The following TNFAIP8L3 variants were observed in gnomAD, a reference collection of about 807,000 sequenced individuals.
TNFAIP8L3 encodes the protein tumor necrosis factor alpha-induced protein 8-like protein 3.
Under a neutral mutation model 11.8 loss-of-function variants are expected in TNFAIP8L3, and 7 were observed. The ratio of observed to expected loss-of-function variants is 0.59; its 90% CI spans 0.34 to 1.11. The LOEUF is 1.11. TNFAIP8L3 is among the 50% of genes most tolerant of loss of function. TNFAIP8L3 has a pLI of 0.03. For missense variants in TNFAIP8L3, 219 were observed against 258.6 expected (o/e 0.85, Z 1.05); for synonymous variants, 98 against 103.8 (o/e 0.94, Z 0.34).
At chr15:51,075,445 G>A (rs930185683) in intron 1 of TNFAIP8L3, among the ~76,000 whole-genome samples, 7 of 152,116 alleles carry the variant, frequency 4.6e-5, no homozygotes, top group African/African-American at 1.4e-4. Context: ...ACACTCATGA[G>A]CTATTTTAAT....
At chr15:51,104,130 T>C (rs1027262421) in intron 1 of TNFAIP8L3, among the ~76,000 whole-genome samples, 1 of 152,186 alleles carries the variant, frequency 6.6e-6, no homozygotes, top group Non-Finnish European at 1.5e-5. Context: ...TTAGTGCCCT[T>C]ATTTCTGTCT....
chr15:51,074,267 A>T (rs2065333656), intron 1 of TNFAIP8L3, among the ~76,000 whole-genome samples: 1 of 152,194 alleles, frequency 6.6e-6, no homozygotes, highest in African/African-American at 2.4e-5. Context: ...ACTAGCCTGC[A>T]TTTCACTCGA....
At chr15:51,067,610 C>T (rs772770181) in intron 1 of TNFAIP8L3, among the ~76,000 whole-genome samples, 1 of 152,234 alleles carries the variant, frequency 6.6e-6, no homozygotes, top group Non-Finnish European at 1.5e-5. Flanking sequence ...AAACATCCCC[C>T]ACATGGGGTG....
intron 1 of TNFAIP8L3, among the ~76,000 whole-genome samples, chr15:51,078,141 C>T (rs2065367957): frequency 6.6e-6 from 1 of 152,082 alleles, no homozygotes; most frequent in African/African-American, 2.4e-5. Flanking sequence ...GGAATGGCCA[C>T]GGCAGGACAG....
chr15:51,086,849 C>T (rs2140978342), intron 1 of TNFAIP8L3, among the ~76,000 whole-genome samples: 1 of 151,658 alleles, frequency 6.6e-6, no homozygotes, highest in East Asian at 1.9e-4. Flanking sequence ...CTTGGGCTGG[C>T]AAGGATCATG....
chr15:51,088,896 G>C (rs756548821), intron 1 of TNFAIP8L3, among the ~76,000 whole-genome samples: 3 of 152,150 alleles, frequency 2.0e-5, no homozygotes, highest in Admixed American at 2.0e-4. Flanking sequence ...CTCACTCAAG[G>C]TTATTCCTAG....
rs1263247000 is a variant in TNFAIP8L3, at chr15:51,094,783, C to G, written c.-188G>C. 1.2e-6 allele frequency: 1 copy of G among 845,604 alleles called. No individual in the cohort carries two copies. The highest frequency in any genetic ancestry group is 1.4e-6 in the Non-Finnish European group (1 of 705,116). 52.4% of individuals were successfully genotyped at this position (845,604 alleles called of 1,614,324 possible). On this transcript the variant is annotated 5_prime_UTR_variant, in exon 1 of 2. Coordinates refer to ENST00000637513, the MANE Select transcript of TNFAIP8L3 (RefSeq NM_001311175.2). This position sits in a 1 kb window ranked among gnomAD's most constrained non-coding sequence, Gnocchi z 4.4. ...CAGAGGCGAGCGCCGCCGCGCCCCG[C>G]TCCCCGCGCCCGCCGGCCGGTGCCT... is the stretch of plus-strand genomic sequence containing the variant.
chr15:51,082,468 A>C (rs1443586405), intron 1 of TNFAIP8L3, among the ~76,000 whole-genome samples: 1 of 152,220 alleles, frequency 6.6e-6, no homozygotes, highest in Non-Finnish European at 1.5e-5. Context: ...GTGAATGTGG[A>C]GGCCCAGGAC....
chr15:51,088,521 T>C (rs778287038), intron 1 of TNFAIP8L3, among the ~76,000 whole-genome samples: 10 of 152,178 alleles, frequency 6.6e-5, no homozygotes, highest in Non-Finnish European at 1.3e-4. Context: ...TCTAAATGCA[T>C]TTCTGTATAC....
intron 1 of TNFAIP8L3, among the ~76,000 whole-genome samples, chr15:51,070,578 GAA>G (rs1412060124): frequency 3.9e-5 from 6 of 152,166 alleles, no homozygotes; most frequent in Non-Finnish European, 8.8e-5. Flanking sequence ...CCACCATTTA[GAA>G]AGTGGCAGAG....
chr15:51,087,785 C>T (rs576233491), intron 1 of TNFAIP8L3, among the ~76,000 whole-genome samples: 4 of 151,832 alleles, frequency 2.6e-5, no homozygotes, highest in African/African-American at 7.3e-5. Flanking sequence ...CAAATTTATT[C>T]CCAGGCAATG....
chr15:51,101,945 C>CAAAAAAAAAA (rs11297566), intron 1 of TNFAIP8L3, among the ~76,000 whole-genome samples: 26 of 85,666 alleles, frequency 3.0e-4, no homozygotes, highest in African/African-American at 3.5e-4. Flanking sequence ...GACTCTGTCT[C>CAAAAAAAAAA]AAAAAAAAAA....
chr15:51,076,131 A>G (rs2065347828), intron 1 of TNFAIP8L3, among the ~76,000 whole-genome samples: 1 of 152,228 alleles, frequency 6.6e-6, no homozygotes, highest in Non-Finnish European at 1.5e-5. Flanking sequence ...TCTCCCTTAC[A>G]TATACTCTGT....
chr15:51,078,853 T>G (rs909590994), intron 1 of TNFAIP8L3, among the ~76,000 whole-genome samples: 1 of 152,140 alleles, frequency 6.6e-6, no homozygotes, highest in African/African-American at 2.4e-5. Flanking sequence ...CATCTTTAAA[T>G]GCACCTGCCT....
At chr15:51,098,206 C>A (rs1032862037), upstream of TNFAIP8L3, among the ~76,000 whole-genome samples, 1 of 152,206 alleles carries the variant, frequency 6.6e-6, no homozygotes. Context: ...TGAGCCAGTG[C>A]TATGACTCAT....
At chr15:51,085,129 G>C (rs2065418222) in intron 1 of TNFAIP8L3, among the ~76,000 whole-genome samples, 1 of 151,982 alleles carries the variant, frequency 6.6e-6, no homozygotes, top group Admixed American at 6.6e-5. Flanking sequence ...GAATTATGAA[G>C]TTAAATCCTA....
At chr15:51,095,262 A>G (rs993778834), upstream of TNFAIP8L3, among the ~76,000 whole-genome samples, 1 of 16,204 alleles carries the variant, frequency 6.2e-5, no homozygotes, top group African/African-American at 2.1e-4. Context: ...AAGGGAAGGG[A>G]GCGGGGAATA....
At chr15:51,059,362 T>C (rs1475435568) in intron 1 of TNFAIP8L3, among the ~76,000 whole-genome samples, 4 of 152,238 alleles carry the variant, frequency 2.6e-5, no homozygotes, top group Non-Finnish European at 5.9e-5. Flanking sequence ...TAAGTATAAA[T>C]AAAAATTCTA....
At chr15:51,081,395 G>C (rs2065391268) in intron 1 of TNFAIP8L3, among the ~76,000 whole-genome samples, 1 of 152,224 alleles carries the variant, frequency 6.6e-6, no homozygotes, top group Non-Finnish European at 1.5e-5. Flanking sequence ...CCTCCAGGTG[G>C]AGGGGCTCAA....
Sources: allele counts gnomAD v4.1 joint callset (sites outside exome capture counted in the v4.1 genomes callset), GRCh38; gene constraint gnomAD v4.1.1; non-coding constraint Gnocchi (gnomAD v3.1); transcripts MANE v1.5; gene names NCBI Gene and HGNC (gene_info 2026-07-23, HGNC 2026-07-21).